HACL1: variants seen among roughly 807,000 people sequenced by gnomAD.
The protein encoded by HACL1 is 1600020H07Rik.
In HACL1, 64 loss-of-function variants were observed where a neutral mutation model predicts 74.2. The ratio of observed to expected loss-of-function variants is 0.86; its 90% confidence interval spans 0.70 to 1.06. HACL1 has a LOEUF of 1.06. Among genes scored for constraint, HACL1 ranks in the 50% least tolerant of loss-of-function variants. The pLI is 0.00. For synonymous variants in HACL1, 230 were observed against 238.8 expected (o/e 0.96, Z 0.34); for missense variants, 728 against 719.7 (o/e 1.01, Z -0.13).
intron 9 of HACL1, among the ~76,000 whole-genome samples, chr3:15,577,187 T>C (rs1483978045): frequency 6.6e-6 from 1 of 152,038 alleles, no homozygotes; most frequent in Non-Finnish European, 1.5e-5. Context: ...GCAGCAAACA[T>C]TACATTTAAA....
chr3:15,601,047 A>G, intron 2 of HACL1, 43 bp downstream of exon 2: 3 of 1,177,098 alleles, frequency 2.5e-6, no homozygotes, highest in Non-Finnish European at 3.8e-6. Flanking sequence ...GCTATTACTG[A>G]TCATTCCCAG....
intron 14 of HACL1, among the ~76,000 whole-genome samples, chr3:15,566,982 G>C (rs1006360916): frequency 2.0e-5 from 3 of 151,456 alleles, no homozygotes; most frequent in Non-Finnish European, 1.5e-5. Context: ...ACCACATCTG[G>C]CTATTTTTTG....
At chr3:15,569,612 G>A (rs561565489) in intron 12 of HACL1, among the ~76,000 whole-genome samples, 37 of 152,122 alleles carry the variant, frequency 2.4e-4, no homozygotes, top group Middle Eastern at 6.8e-3. Flanking sequence ...ACCTGAGGTC[G>A]GGAGTTCGAG....
At chr3:15,601,002 A>C in intron 2 of HACL1, 88 bp downstream of exon 2, 1 of 786,830 alleles carries the variant, frequency 1.3e-6, no homozygotes, top group South Asian at 1.4e-5. Flanking sequence ...GAAGAGTGGT[A>C]AGCGCTATCT....
intron 3 of HACL1, among the ~76,000 whole-genome samples, chr3:15,594,872 G>A (rs2064027236): frequency 6.6e-6 from 1 of 152,230 alleles, no homozygotes. Flanking sequence ...GCTCACGCCT[G>A]TAATCCCAGC....
chr3:15,574,555 G>A (rs1049553738), intron 10 of HACL1, among the ~76,000 whole-genome samples: 1 of 152,200 alleles, frequency 6.6e-6, no homozygotes, highest in African/African-American at 2.4e-5. Flanking sequence ...TTAATGACTT[G>A]TAAAACAGTG....
At chr3:15,565,010 C>T (rs1432991101) in intron 14 of HACL1, among the ~76,000 whole-genome samples, 1 of 151,880 alleles carries the variant, frequency 6.6e-6, no homozygotes, top group Non-Finnish European at 1.5e-5. Flanking sequence ...ACTAAAAATA[C>T]AAAAATTAGC....
At chr3:15,600,529 A>C (rs980104873) in intron 2 of HACL1, among the ~76,000 whole-genome samples, 2 of 152,222 alleles carry the variant, frequency 1.3e-5, no homozygotes, top group African/African-American at 4.8e-5. Context: ...GATGTGGTGG[A>C]AAAAGCATCA....
At chr3:15,574,887 T>C in intron 10 of HACL1, 90 bp downstream of exon 10, 1 of 567,914 alleles carries the variant, frequency 1.8e-6, no homozygotes, top group South Asian at 3.1e-5. Context: ...TTTTTAATAG[T>C]AATCAAGAAG....
intron 2 of HACL1, among the ~76,000 whole-genome samples, chr3:15,599,159 C>G (rs2064128065): frequency 6.6e-6 from 1 of 152,236 alleles, no homozygotes; most frequent in Admixed American, 6.5e-5. Flanking sequence ...ACAGCACTTA[C>G]CACCTTATAA....
chr3:15,601,539 G>A lies in HACL1; in HGVS notation c.-76C>T, dbSNP rs779132749. The A allele has an allele frequency of 7.5e-6, 12 of 1,605,588 alleles. No homozygotes were observed. Among genetic ancestry groups the A allele is most frequent in the East Asian group, 4.5e-5 (2 of 44,862 alleles). ...CATCCAGCAAGGCAAACGCGAAATC[G>A]GCAGCACGCCACCTCTGGTACTGCA... is the stretch of plus-strand genomic sequence containing the variant. On this transcript the variant is annotated 5_prime_UTR_variant, in exon 1 of 17. Coordinates refer to ENST00000321169, the MANE Select transcript of HACL1 (RefSeq NM_012260.4).
Position 15,563,456 on chromosome 3 carries a change from CTGG to C in HACL1, c.1603_1605del (p.Pro535del). The C allele has an allele frequency of 1.2e-6, 2 of 1,610,994 alleles. No homozygotes were observed. Among genetic ancestry groups the C allele is most frequent in the Non-Finnish European group, 1.7e-6 (2 of 1,177,190 alleles). ...TGCCTCAGGGATTTTTGGAGTTCTTCTGGTGTTTGTACAAAATACCCTTTGCCT... is the reference window on the plus strand; with the variant it reads ...TGCCTCAGGGATTTTTGGAGTTCTTCTGTTTGTACAAAATACCCTTTGCCT... On this transcript the variant is annotated inframe_deletion, in exon 16 of 17. Transcript: ENST00000321169.
At chr3:15,583,717 G>C (rs922185899) in intron 7 of HACL1, among the ~76,000 whole-genome samples, 4 of 151,542 alleles carry the variant, frequency 2.6e-5, no homozygotes, top group Admixed American at 2.0e-4. Flanking sequence ...AAGTGCAGCG[G>C]TGCGAACTTG....
At chr3:15,577,134 A>G (rs932264654) in intron 9 of HACL1, among the ~76,000 whole-genome samples, 5 of 152,216 alleles carry the variant, frequency 3.3e-5, no homozygotes, top group African/African-American at 1.2e-4. Flanking sequence ...ATAAAAATAC[A>G]ACATATTAAG....
chr3:15,597,417 G>T (rs959750116), intron 2 of HACL1, among the ~76,000 whole-genome samples: 5 of 152,072 alleles, frequency 3.3e-5, no homozygotes, highest in Non-Finnish European at 5.9e-5. Context: ...ATCAGGAAGA[G>T]AGGGGGCACT....
intron 5 of HACL1, among the ~76,000 whole-genome samples, chr3:15,588,108 G>C (rs1013430908): frequency 1.5e-5 from 2 of 134,616 alleles, no homozygotes; most frequent in South Asian, 4.8e-4. Flanking sequence ...TGGCCAGGCT[G>C]GTCTCAAACT....
chr3:15,595,396 T>C (rs1479813357), intron 3 of HACL1, among the ~76,000 whole-genome samples: 3 of 152,128 alleles, frequency 2.0e-5, no homozygotes, highest in Admixed American at 6.6e-5. Flanking sequence ...ATCTTATTAG[T>C]TTGCATTTCT....
intron 3 of HACL1, among the ~76,000 whole-genome samples, chr3:15,594,828 G>A (rs1040716514): frequency 2.6e-5 from 4 of 152,198 alleles, no homozygotes; most frequent in African/African-American, 9.7e-5. Flanking sequence ...CAGCAAAAAT[G>A]TTTTAAATAT....
chr3:15,592,525 T>TGTACGC (rs1559561881), intron 3 of HACL1, among the ~76,000 whole-genome samples: 4 of 144,102 alleles, frequency 2.8e-5, no homozygotes, highest in South Asian at 2.1e-4. Flanking sequence ...TGTATACATA[T>TGTACGC]ACACATGTAT....
Sources: allele counts gnomAD v4.1 joint callset (sites outside exome capture counted in the v4.1 genomes callset), GRCh38; gene constraint gnomAD v4.1.1; transcripts MANE v1.5; gene names NCBI Gene and HGNC (gene_info 2026-07-23, HGNC 2026-07-21).